Variants in CAMK1D observed in about 807,000 individuals in gnomAD.
CAMK1D encodes the protein calcium/calmodulin dependent protein kinase ID, also known as calcium/calmodulin-dependent protein kinase type 1D.
CAMK1D carries 9 observed loss-of-function variants against 47.7 expected under a neutral mutation model. That is an observed-to-expected ratio of 0.19 (90% confidence interval 0.11 to 0.33). CAMK1D has a LOEUF of 0.33. Ranked by LOEUF, CAMK1D falls within the 10% of genes least tolerant of loss-of-function variation. CAMK1D has a pLI of 1.00. For synonymous variants in CAMK1D, 184 were observed against 184.9 expected (o/e 0.99, Z 0.04); for missense variants, 291 against 488.7 (o/e 0.60, Z 3.81).
At chr10:12,691,779 G>C (rs1260230245) in intron 3 of CAMK1D, among the ~76,000 whole-genome samples, 1 of 152,074 alleles carries the variant, frequency 6.6e-6, no homozygotes, top group East Asian at 1.9e-4. Flanking sequence ...AGTATATGTG[G>C]TGCATCCCCT....
chr10:12,705,664 A>G (rs1044328164), intron 3 of CAMK1D, among the ~76,000 whole-genome samples: 2 of 152,176 alleles, frequency 1.3e-5, no homozygotes, highest in African/African-American at 4.8e-5. Flanking sequence ...AAATGCAACC[A>G]GAAACAAAGG....
intron 1 of CAMK1D, among the ~76,000 whole-genome samples, chr10:12,476,839 TA>T (rs1833917000): frequency 6.6e-6 from 1 of 152,166 alleles, no homozygotes; most frequent in African/African-American, 2.4e-5. Context: ...TGCCCATCTG[TA>T]CACTGGAGGA....
At chr10:12,598,869 G>A (rs1377271026) in intron 2 of CAMK1D, among the ~76,000 whole-genome samples, 1 of 152,120 alleles carries the variant, frequency 6.6e-6, no homozygotes, top group Non-Finnish European at 1.5e-5. Flanking sequence ...ATTTTTACGA[G>A]GCCTACAAAG....
chr10:12,470,416 C>T (rs1278841207), intron 1 of CAMK1D, among the ~76,000 whole-genome samples: 3 of 152,156 alleles, frequency 2.0e-5, no homozygotes, highest in East Asian at 3.8e-4. Context: ...TTGTTTCTTC[C>T]CTTTTCCACA....
chr10:12,491,494 G>A (rs1834382106), intron 1 of CAMK1D, among the ~76,000 whole-genome samples: 1 of 152,026 alleles, frequency 6.6e-6, no homozygotes, highest in Non-Finnish European at 1.5e-5. Context: ...GTTGTGAGGG[G>A]GTGGGTGGAT....
chr10:12,554,375 G>A lies in CAMK1D; in HGVS notation c.224+1019G>A, dbSNP rs1836694190. 1.5e-5 allele frequency among the ~76,000 whole-genome samples: 2 copies of A among 130,860 alleles called. 1 individual carries two copies. The highest frequency in any genetic ancestry group is 3.6e-5 in the Non-Finnish European group (2 of 55,918). 85.8% of individuals were successfully genotyped at this position (130,860 alleles called of 152,430 possible). On this transcript the variant is annotated intron_variant, in intron 2 of 10. Transcript: ENST00000619168. Reference sequence around the variant, plus strand: ...TCTCCATGTTGGCCAGGCTGGTCTTGAACTCCTGACCTCAGGTGATCCGCC... The same window carrying A: ...TCTCCATGTTGGCCAGGCTGGTCTTAAACTCCTGACCTCAGGTGATCCGCC...
intron 2 of CAMK1D, among the ~76,000 whole-genome samples, chr10:12,598,670 C>G (rs1838214584): frequency 6.6e-6 from 1 of 152,174 alleles, no homozygotes; most frequent in Non-Finnish European, 1.5e-5. Context: ...GACCGAAGGT[C>G]TGAAGGGAGG....
intron 2 of CAMK1D, among the ~76,000 whole-genome samples, chr10:12,580,504 G>T (rs1177169242): frequency 6.6e-6 from 1 of 152,180 alleles, no homozygotes; most frequent in Non-Finnish European, 1.5e-5. Flanking sequence ...TCCGATGAGA[G>T]TGAAACATGT....
chr10:12,607,422 G>C (rs1350394228), intron 2 of CAMK1D, among the ~76,000 whole-genome samples: 1 of 152,190 alleles, frequency 6.6e-6, no homozygotes, highest in Non-Finnish European at 1.5e-5. Flanking sequence ...GTTCTAGGGA[G>C]AGACATTCAG....
chr10:12,450,998 G>C (rs1409221185), intron 1 of CAMK1D, among the ~76,000 whole-genome samples: 2 of 152,142 alleles, frequency 1.3e-5, no homozygotes, highest in Non-Finnish European at 2.9e-5. Context: ...ACCTAGACCT[G>C]CCCGCCATGT....
chr10:12,492,973 C>T (rs965133967), intron 1 of CAMK1D, among the ~76,000 whole-genome samples: 3 of 152,214 alleles, frequency 2.0e-5, no homozygotes, highest in African/African-American at 7.2e-5. Context: ...TTCCCTGGCT[C>T]CGCTCCTGTG....
At chr10:12,530,475 A>G (rs1356487811) in intron 1 of CAMK1D, among the ~76,000 whole-genome samples, 1 of 152,206 alleles carries the variant, frequency 6.6e-6, no homozygotes, top group African/African-American at 2.4e-5. Flanking sequence ...TGATCTTGCC[A>G]TTCAACATGG....
chr10:12,742,343 C>T (rs1835470017), intron 3 of CAMK1D, among the ~76,000 whole-genome samples: 1 of 152,106 alleles, frequency 6.6e-6, no homozygotes, highest in Non-Finnish European at 1.5e-5. Context: ...CCGTGTTGTC[C>T]AGGCTGGTTT....
intron 1 of CAMK1D, among the ~76,000 whole-genome samples, chr10:12,354,180 A>T (rs1365319543): frequency 6.6e-6 from 1 of 152,160 alleles, no homozygotes; most frequent in African/African-American, 2.4e-5. Context: ...GCGGGATATG[A>T]ATGCATGTTT....
chr10:12,764,042 C>T (rs11257975), intron 4 of CAMK1D, among the ~76,000 whole-genome samples: 1 of 152,076 alleles, frequency 6.6e-6, no homozygotes, highest in Admixed American at 6.5e-5. Flanking sequence ...CTTCCCTCCT[C>T]CCCCAGGAAA....
In CAMK1D at chr10:12,453,840, A is replaced by G. The variant is rs545366034; in HGVS notation, c.93-99385A>G. Among the ~76,000 whole-genome samples, 32 of 152,282 alleles carry G rather than the reference A, an allele frequency of 2.1e-4. No individual in the cohort carries two copies. The East Asian group carries it at 2.7e-3, about 13-fold the overall frequency. On this transcript the variant is annotated intron_variant, in intron 1 of 10. Transcript: ENST00000619168. ...TCTGAGTTGTTAATTTTTATGCACA[A>G]TCTTGTGAGATCCAGCTCATTATAT... is the stretch of plus-strand genomic sequence containing the variant.
chr10:12,530,806 C>G (rs1835780504), intron 1 of CAMK1D, among the ~76,000 whole-genome samples: 1 of 152,086 alleles, frequency 6.6e-6, no homozygotes, highest in South Asian at 2.1e-4. Context: ...CCTGTAATCC[C>G]AGCACTTTGG....
chr10:12,781,225 A>G (rs1837478454), intron 5 of CAMK1D, among the ~76,000 whole-genome samples: 1 of 152,230 alleles, frequency 6.6e-6, no homozygotes, highest in South Asian at 2.1e-4. Flanking sequence ...AAACCCTGGA[A>G]TGACTACGGC....
intron 2 of CAMK1D, among the ~76,000 whole-genome samples, chr10:12,554,686 G>A (rs1218000034): frequency 2.0e-5 from 3 of 150,540 alleles, no homozygotes; most frequent in East Asian, 4.0e-4. Flanking sequence ...GTAGGCACAC[G>A]CTATTATGCC....
Sources: allele counts gnomAD v4.1 joint callset (sites outside exome capture counted in the v4.1 genomes callset), GRCh38; gene constraint gnomAD v4.1.1; transcripts MANE v1.5; gene names NCBI Gene and HGNC (gene_info 2026-07-23, HGNC 2026-07-21).